The following SUPT5H variants were observed in gnomAD, a reference collection of about 807,000 sequenced individuals.
SUPT5H encodes the protein transcription elongation factor SPT5.
A neutral mutation model predicts 142.5 loss-of-function variants in SUPT5H; 24 were observed. That is an observed-to-expected ratio of 0.17 (90% CI 0.12 to 0.24). SUPT5H has a LOEUF of 0.24. SUPT5H is among the 10% of genes least tolerant of loss of function. The probability of loss-of-function intolerance (pLI) is 1.00; values close to 1 mark genes in which losing one functional copy is unlikely to be tolerated. For synonymous variants in SUPT5H, 546 were observed against 553.0 expected (o/e 0.99, Z 0.18); for missense variants, 893 against 1,471.8 (o/e 0.61, Z 6.43).
At position 39,464,795 on chromosome 19, in the gene SUPT5H, C is replaced by T. The variant is rs371402064; in HGVS notation, c.625-3C>T. On this transcript the variant is annotated splice_region_variant and splice_polypyrimidine_tract_variant and intron_variant, in intron 10 of 29. Transcript: ENST00000432763. ...TTCCTCCTTCCACCGGCTCACCCTG[C>T]AGCCCCTGCAGATCAAGTCAGTAGT... 2 of 1,597,096 alleles carry T rather than the reference C, an allele frequency of 1.3e-6. No individual in the cohort carries two copies. Among genetic ancestry groups the T allele is most frequent in the African/African-American group, 2.7e-5 (2 of 74,800 alleles).
In SUPT5H at chr19:39,445,619, C is replaced by A. The variant is rs1048276685; in HGVS notation, c.-106C>A. On this transcript the variant is annotated 5_prime_UTR_variant, in exon 1 of 30. Coordinates refer to ENST00000432763, the MANE Select transcript of SUPT5H (RefSeq NM_001111020.3). ...TGCGAACAGCAGCTGGTACCGAAGG[C>A]GGAGGTGGAGCCCGAGAGGTAAGTG... The A allele has an allele frequency of 6.6e-6, 3 of 455,596 alleles. No individual in the cohort carries two copies. The East Asian group carries it at 1.0e-4, about 16-fold the overall frequency. 28.2% of individuals were successfully genotyped at this position (455,596 alleles called of 1,614,324 possible).
Position 39,459,268 on chromosome 19 carries a change from TG to T in SUPT5H, c.524+24del. 1 of 1,498,372 alleles carries T rather than the reference TG, an allele frequency of 6.7e-7. No homozygotes were observed. Among genetic ancestry groups the T allele is most frequent in the Non-Finnish European group, 8.9e-7 (1 of 1,119,926 alleles). The allele number at this position is 1,498,372 out of a possible 1,614,324, so 92.8% of individuals were successfully genotyped here. A position where few individuals can be genotyped will look rare whatever the true frequency, so the allele number is the denominator to read the frequency against. ...GAGTCAAGTAAGGGGGTTGGGATGG[TG>T]GGGGCCGTGCTGGGGTGCGAATCTT... On this transcript the variant is annotated intron_variant, in intron 8 of 29. Transcript: ENST00000432763.
chr19:39,446,085 T>C (rs2078950161), intron 2 of SUPT5H, 120 bp downstream of exon 2: 1 of 1,106,554 alleles, frequency 9.0e-7, no homozygotes, highest in African/African-American at 1.5e-5. Flanking sequence ...ACTCCCAGAT[T>C]GTCTCAAGAG....
rs1802184 is a variant in SUPT5H, at chr19:39,476,585, G to A, written c.*186G>A. The A allele has an allele frequency of 2.7e-6, 2 of 749,054 alleles. No individual in the cohort carries two copies. Among genetic ancestry groups the A allele is most frequent in the South Asian group, 1.9e-5 (1 of 52,520 alleles). The allele number at this position is 749,054 out of a possible 1,614,324, so 46.4% of individuals were successfully genotyped here. ...ATTGGAATCTGAGTAGAGTCTGGGG[G>A]AGGGTCCCCACCTTCCTGTACCTCC... On this transcript the variant is annotated 3_prime_UTR_variant, in exon 30 of 30. Coordinates refer to ENST00000432763, the MANE Select transcript of SUPT5H (RefSeq NM_001111020.3).
Position 39,458,584 on chromosome 19 carries a change from A to G in SUPT5H, c.320-234A>G, listed in dbSNP as rs2079122105. ...GTCCAGGGTGTGCCTGGACTTTGAG[A>G]TGGGAACAGCTGGAAGCCCCCCAAC... On this transcript the variant is annotated intron_variant, in intron 5 of 29. Coordinates refer to ENST00000432763, the MANE Select transcript of SUPT5H (RefSeq NM_001111020.3). The surrounding 1 kb of genome is among the most constrained non-coding windows in gnomAD (Gnocchi z 4.2). 4.2e-6 allele frequency: 3 copies of G among 706,398 alleles called. No individual in the cohort carries two copies. The highest frequency in any genetic ancestry group is 3.8e-5 in the South Asian group (2 of 52,730). The allele number at this position is 706,398 out of a possible 1,614,324, so 43.8% of individuals were successfully genotyped here.
chr19:39,445,971 T>C lies in SUPT5H; in HGVS notation c.75+6T>C. ...GTGACGGCGAGGAGGCCGAGGTCTGTGGCTGGGGCGCTGGGGGAGACATTG... is the reference window on the plus strand; with the variant it reads ...GTGACGGCGAGGAGGCCGAGGTCTGCGGCTGGGGCGCTGGGGGAGACATTG... On this transcript the variant is annotated splice_donor_region_variant and intron_variant, in intron 2 of 29. Transcript: ENST00000432763. 2 of 1,611,394 alleles carry C rather than the reference T, an allele frequency of 1.2e-6. No homozygotes were observed. The highest frequency in any genetic ancestry group is 1.3e-5 in the African/African-American group (1 of 75,004).
At chr19:39,468,065 T>C (rs990437614) in intron 13 of SUPT5H, 1 of 152,324 alleles carries the variant, frequency 6.6e-6, no homozygotes, top group African/African-American at 2.4e-5. Context: ...CAGGAGGAAC[T>C]TGACCTGCTC....
Position 39,469,574 on chromosome 19 carries a change from G to A in SUPT5H, c.1374+176G>A. On this transcript the variant is annotated intron_variant, in intron 16 of 29. Coordinates refer to ENST00000432763, the MANE Select transcript of SUPT5H (RefSeq NM_001111020.3). The surrounding 1 kb of genome is among the most constrained non-coding windows in gnomAD (Gnocchi z 5.1). ...TGTCTGAGTGCAGCTCAGGGTCGGT[G>A]GGCAGCAGGCCTGCCTGGTGGTGTC... The A allele has an allele frequency of 2.3e-6, 2 of 881,182 alleles. No homozygotes were observed. Among genetic ancestry groups the A allele is most frequent in the Non-Finnish European group, 3.4e-6 (2 of 579,932 alleles). The allele number at this position is 881,182 out of a possible 1,614,324, so 54.6% of individuals were successfully genotyped here.
rs980491968 is a variant in SUPT5H at position 39,474,357 on chromosome 19, C to T, written c.2775C>T (p.His925=). ...GCCCAGCAGGCTACCAGAATACCCA[C>T]TCCCCAGCCAGCTACCACCCTACAC... The part of the protein sequence containing the change: ...APSPAGYQNT[H]SPASYHPTPS... The change falls in exon 27 of 30, where the codon CAC becomes CAT. Residue 925 remains histidine (H), a synonymous_variant. Coordinates refer to ENST00000432763, the MANE Select transcript of SUPT5H (RefSeq NM_001111020.3). The surrounding 1 kb of genome is among the most constrained non-coding windows in gnomAD (Gnocchi z 6.5). 5.6e-6 allele frequency: 9 copies of T among 1,614,190 alleles called. No individual in the cohort carries two copies. Among genetic ancestry groups the T allele is most frequent in the Non-Finnish European group, 7.6e-6 (9 of 1,180,034 alleles).
chr19:39,449,485 C>A (rs905923873), intron 2 of SUPT5H, among the ~76,000 whole-genome samples: 2 of 152,074 alleles, frequency 1.3e-5, no homozygotes, highest in Non-Finnish European at 2.9e-5. Flanking sequence ...GTTGGGGGAC[C>A]CAGCAGTGCC....
chr19:39,471,766 A>G, intron 20 of SUPT5H, 36 bp downstream of exon 20: 2 of 1,596,234 alleles, frequency 1.3e-6, no homozygotes, highest in Non-Finnish European at 1.7e-6. Context: ...TGCGTTGGGT[A>G]CCTGGCTCAG....
chr19:39,476,519 T>G lies in SUPT5H; in HGVS notation c.*120T>G, dbSNP rs1600730933. ...GCGGATTGTTCTGGATTTCCTTTTGTTTTTCCTTTTAGTTTTCCATCTTTT... is the reference window on the plus strand; with the variant it reads ...GCGGATTGTTCTGGATTTCCTTTTGGTTTTCCTTTTAGTTTTCCATCTTTT... On this transcript the variant is annotated 3_prime_UTR_variant, in exon 30 of 30. Coordinates refer to ENST00000432763, the MANE Select transcript of SUPT5H (RefSeq NM_001111020.3). 5 of 1,353,070 alleles carry G rather than the reference T, an allele frequency of 3.7e-6. No individual in the cohort carries two copies. The highest frequency in any genetic ancestry group is 5.0e-6 in the Non-Finnish European group (5 of 998,122). The allele number at this position is 1,353,070 out of a possible 1,614,324, so 83.8% of individuals were successfully genotyped here.
In SUPT5H at chr19:39,465,019, G is replaced by A; in HGVS notation, c.846G>A (p.Lys282=). The A allele has an allele frequency of 6.2e-7, 1 of 1,614,206 alleles. No homozygotes were observed. The highest frequency in any genetic ancestry group is 8.5e-7 in the Non-Finnish European group (1 of 1,180,004). The stretch of plus-strand genomic sequence containing the variant: ...AACCAAAGTCCTGGGTCCGCCTCAA[G>A]CGGGGCATCTACAAGGATGACATTG... The part of the protein sequence containing the change: ...NLKPKSWVRL[K]RGIYKDDIAQ... The change falls in exon 11 of 30, where the codon AAG becomes AAA. Residue 282 remains lysine (K), a synonymous_variant. Transcript: ENST00000432763.
In SUPT5H at chr19:39,476,011, C is replaced by A. The variant is rs565843053; in HGVS notation, c.3025-70C>A. ...CTCAGAATGAGCCCTGAGCCTGTGT[C>A]CCCTGGAGTATGGGCCTCAGTCCCA... On this transcript the variant is annotated intron_variant, in intron 28 of 29. Coordinates refer to ENST00000432763, the MANE Select transcript of SUPT5H (RefSeq NM_001111020.3). The A allele has an allele frequency of 3.7e-4, 521 of 1,416,448 alleles. 2 individuals are homozygous for A. The African/African-American group carries it at 5.8e-3, about 16-fold the overall frequency. The allele number at this position is 1,416,448 out of a possible 1,614,324, so 87.7% of individuals were successfully genotyped here.
At chr19:39,453,619 C>T in intron 3 of SUPT5H, 98 bp downstream of exon 3, 1 of 1,382,718 alleles carries the variant, frequency 7.2e-7, no homozygotes, top group Non-Finnish European at 9.5e-7. Context: ...CGCTCTGTCG[C>T]CCAGGCTGGA....
At position 39,466,778 on chromosome 19, in the gene SUPT5H, C is replaced by A. The variant is rs1444865191; in HGVS notation, c.1037+33C>A. 6.2e-7 allele frequency: 1 copy of A among 1,608,142 alleles called. No individual in the cohort carries two copies. Among genetic ancestry groups the A allele is most frequent in the Admixed American group, 1.7e-5 (1 of 60,002 alleles). On this transcript the variant is annotated intron_variant, in intron 13 of 29. Coordinates refer to ENST00000432763, the MANE Select transcript of SUPT5H (RefSeq NM_001111020.3). The surrounding 1 kb of genome is among the most constrained non-coding windows in gnomAD (Gnocchi z 4.3). Reference sequence around the variant, plus strand: ...TCCTTGGGGACTGGCTGGGCTGGGTCCCCAGGGCCGGTGTGTAGAATGTGC... The same window carrying A: ...TCCTTGGGGACTGGCTGGGCTGGGTACCCAGGGCCGGTGTGTAGAATGTGC...
Position 39,472,731 on chromosome 19 carries a change from A to G in SUPT5H, c.2036-79A>G. 6.5e-7 allele frequency: 1 copy of G among 1,530,946 alleles called. No homozygotes were observed. The highest frequency in any genetic ancestry group is 8.8e-7 in the Non-Finnish European group (1 of 1,136,284). The allele number at this position is 1,530,946 out of a possible 1,614,324, so 94.8% of individuals were successfully genotyped here. On this transcript the variant is annotated intron_variant, in intron 21 of 29. Transcript: ENST00000432763. This position sits in a 1 kb window ranked among gnomAD's most constrained non-coding sequence, Gnocchi z 4.2. The stretch of plus-strand genomic sequence containing the variant: ...TAACCCAAGTAGGGAGGAGTCAAGC[A>G]AGTGAAGGGGACGTTCTGATGGTGC...
chr19:39,445,751 C>T, intron 1 of SUPT5H, 53 bp from the exon 2 acceptor site: 2 of 959,716 alleles, frequency 2.1e-6, no homozygotes, highest in Non-Finnish European at 3.2e-6. Flanking sequence ...CTCCGCTTCG[C>T]GATTGCCAAA....
At chr19:39,471,081 A>G (rs1281058421) in intron 18 of SUPT5H, among the ~76,000 whole-genome samples, 6 of 152,160 alleles carry the variant, frequency 3.9e-5, no homozygotes, top group Non-Finnish European at 5.9e-5. Flanking sequence ...CAATGTTGCT[A>G]TCAGCCCCTT....
Sources: gnomAD v4.1 joint callset for allele counts (sites outside exome capture counted in the v4.1 genomes callset) on GRCh38, gnomAD v4.1.1 for gene constraint, Gnocchi (gnomAD v3.1) non-coding constraint, MANE v1.5 for transcripts, NCBI Gene and HGNC (gene_info 2026-07-23, HGNC 2026-07-21) for gene names.